Variants in ATOSA observed in about 807,000 individuals in gnomAD.
ATOSA encodes atos homolog protein A.
At chr15:52,597,628 C>A in the ATOSA span, among the ~76,000 whole-genome samples, 3 of 152,138 alleles carry the variant, frequency 2.0e-5, no homozygotes, top group Admixed American at 1.3e-4. Flanking sequence ...AAAAATAACT[C>A]ATTTCCAATG....
the ATOSA span, among the ~76,000 whole-genome samples, chr15:52,642,648 C>T: frequency 1.1e-4 from 16 of 152,230 alleles, no homozygotes; most frequent in African/African-American, 3.9e-4. Flanking sequence ...ATCTTAGAAT[C>T]ACTTACGCCT....
At chr15:52,612,073 C>CTCCTA in the ATOSA span, among the ~76,000 whole-genome samples, 1 of 152,120 alleles carries the variant, frequency 6.6e-6, no homozygotes, top group Admixed American at 6.5e-5. Flanking sequence ...CAACCTCTGC[C>CTCCTA]TCCTAGGTTC....
chr15:52,649,266 G>A, the ATOSA span, among the ~76,000 whole-genome samples: 2 of 152,024 alleles, frequency 1.3e-5, no homozygotes, highest in African/African-American at 2.4e-5. Context: ...TGAAATTTCC[G>A]CAAGGAAGAG....
At chr15:52,636,149 T>C in the ATOSA span, among the ~76,000 whole-genome samples, 1 of 146,372 alleles carries the variant, frequency 6.8e-6, no homozygotes, top group Non-Finnish European at 1.5e-5. Flanking sequence ...ATAATAAATG[T>C]ATAAATAATA....
the ATOSA span, chr15:52,610,504 A>G: frequency 9.3e-7 from 1 of 1,077,724 alleles, no homozygotes; most frequent in Non-Finnish European, 1.3e-6. Flanking sequence ...ATTACCACTG[A>G]GGTTTACTTT....
chr15:52,588,629 G>T, the ATOSA span, among the ~76,000 whole-genome samples: 1 of 152,098 alleles, frequency 6.6e-6, no homozygotes, highest in African/African-American at 2.4e-5. Context: ...AGTAGAGATG[G>T]TTGGGGGCAG....
chr15:52,707,149 A>G, the ATOSA span, among the ~76,000 whole-genome samples: 3 of 152,232 alleles, frequency 2.0e-5, no homozygotes, highest in East Asian at 5.8e-4. Context: ...GAAAGTTACC[A>G]TTTTACAACC....
At chr15:52,694,445 A>G in the ATOSA span, among the ~76,000 whole-genome samples, 3 of 152,202 alleles carry the variant, frequency 2.0e-5, 1 homozygote, top group South Asian at 6.2e-4. Context: ...GATTACAGGC[A>G]TGAGCCACCG....
At chr15:52,703,740 T>C in the ATOSA span, among the ~76,000 whole-genome samples, 1,394 of 152,164 alleles carry the variant, frequency 9.2e-3, 21 homozygotes, top group African/African-American at 0.032. Context: ...ATACCTAATG[T>C]AAATGACGAG....
chr15:52,666,133 T>G, the ATOSA span, among the ~76,000 whole-genome samples: 1 of 152,144 alleles, frequency 6.6e-6, no homozygotes, highest in Non-Finnish European at 1.5e-5. Context: ...ATTTTGTACT[T>G]CTTTGACAGA....
At chr15:52,707,832 T>C in the ATOSA span, among the ~76,000 whole-genome samples, 1 of 152,070 alleles carries the variant, frequency 6.6e-6, no homozygotes, top group South Asian at 2.1e-4. Flanking sequence ...AAGCAAAAGT[T>C]TAATAAAAGT....
At chr15:52,685,087 T>C in the ATOSA span, among the ~76,000 whole-genome samples, 3 of 152,364 alleles carry the variant, frequency 2.0e-5, no homozygotes, top group South Asian at 6.2e-4. Flanking sequence ...TTTAAAGTTA[T>C]ATATGTAGCT....
the ATOSA span, among the ~76,000 whole-genome samples, chr15:52,640,067 T>C: frequency 2.4e-4 from 37 of 152,062 alleles, no homozygotes; most frequent in South Asian, 7.7e-3. Context: ...CGATGAATAT[T>C]TTTTCCTATT....
chr15:52,625,069 G>A, the ATOSA span, among the ~76,000 whole-genome samples: 1 of 152,058 alleles, frequency 6.6e-6, no homozygotes, highest in Admixed American at 6.5e-5. Context: ...ATGAGCCACT[G>A]TGCCTGGCCA....
chr15:52,625,157 GA>G, the ATOSA span, among the ~76,000 whole-genome samples: 3 of 151,960 alleles, frequency 2.0e-5, no homozygotes, highest in African/African-American at 4.8e-5. Flanking sequence ...TCCAGATAAG[GA>G]AAATAAGGTA....
the ATOSA span, among the ~76,000 whole-genome samples, chr15:52,594,543 T>C: frequency 6.6e-6 from 1 of 152,218 alleles, no homozygotes; most frequent in Non-Finnish European, 1.5e-5. Context: ...TTCTAAAAGT[T>C]TGTGTAGTCT....
At chr15:52,652,117 T>C in the ATOSA span, 2 of 1,360,746 alleles carry the variant, frequency 1.5e-6, no homozygotes, top group South Asian at 1.8e-5. Flanking sequence ...GAGGGTGTGC[T>C]CAACCTCCCC....
the ATOSA span, chr15:52,652,040 T>G: frequency 6.7e-7 from 1 of 1,487,266 alleles, no homozygotes; most frequent in East Asian, 2.5e-5. Context: ...TCCCTCCGTG[T>G]AAGGTTTTTC....
the ATOSA span, chr15:52,609,424 T>A: frequency 6.2e-7 from 1 of 1,613,752 alleles, no homozygotes; most frequent in Non-Finnish European, 8.5e-7. Flanking sequence ...TGCTGTTGGA[T>A]CAATGTGCTC....
Sources: allele counts gnomAD v4.1 joint callset (sites outside exome capture counted in the v4.1 genomes callset), GRCh38; gene constraint gnomAD v4.1.1; transcripts MANE v1.5; gene names NCBI Gene and HGNC (gene_info 2026-07-23, HGNC 2026-07-21).